NUP98: variants seen among roughly 807,000 people sequenced by gnomAD.
The protein encoded by NUP98 is nucleoporin 98 and 96 precursor.
A neutral mutation model predicts 191.9 loss-of-function variants in NUP98; 26 were observed. That is an observed-to-expected ratio of 0.14 (90% CI 0.10 to 0.19). The LOEUF (loss-of-function observed/expected upper bound fraction) is 0.19, where lower values mean the gene tolerates loss of function less well. NUP98 is among the 10% of genes least tolerant of loss of function. NUP98 has a pLI of 1.00. For missense variants in NUP98, 1,941 were observed against 2,178.8 expected (o/e 0.89, Z 2.17); for synonymous variants, 808 against 778.4 (o/e 1.04, Z -0.63).
At chr11:3,689,370 C>T (rs1441476313) in intron 28 of NUP98, among the ~76,000 whole-genome samples, 1 of 151,690 alleles carries the variant, frequency 6.6e-6, no homozygotes. Context: ...ACTAAAAATA[C>T]AAAAAAATTA....
chr11:3,706,668 T>C (rs1024676060), intron 20 of NUP98, 41 bp from the exon 21 acceptor site: 2 of 1,535,480 alleles, frequency 1.3e-6, no homozygotes, highest in African/African-American at 1.4e-5. Context: ...CATTAAATTA[T>C]ACCAAACAGA....
At chr11:3,692,637 G>A (rs2078354762) in intron 27 of NUP98, among the ~76,000 whole-genome samples, 2 of 151,794 alleles carry the variant, frequency 1.3e-5, no homozygotes, top group Admixed American at 1.3e-4. Flanking sequence ...GATCTATCAG[G>A]GATTTTAAAC....
At chr11:3,750,778 A>C (rs190300973) in intron 11 of NUP98, among the ~76,000 whole-genome samples, 44 of 152,246 alleles carry the variant, frequency 2.9e-4, no homozygotes, top group African/African-American at 1.0e-3. Context: ...AGCTAGGACT[A>C]CAGGCACATG....
intron 26 of NUP98, among the ~76,000 whole-genome samples, chr11:3,694,759 A>T (rs1349504826): frequency 6.6e-6 from 1 of 151,854 alleles, no homozygotes; most frequent in Admixed American, 6.6e-5. Flanking sequence ...AAAAAAAAAA[A>T]TGCTGCAGGG....
intron 1 of NUP98, among the ~76,000 whole-genome samples, chr11:3,793,399 C>G (rs2082420095): frequency 6.6e-6 from 1 of 151,908 alleles, no homozygotes; most frequent in Non-Finnish European, 1.5e-5. Context: ...AAGCGATTCT[C>G]TGCCTCAGCC....
chr11:3,733,566 C>G (rs276906), intron 13 of NUP98, among the ~76,000 whole-genome samples: 242 of 152,180 alleles, frequency 1.6e-3, no homozygotes, highest in African/African-American at 5.0e-3. Flanking sequence ...CCCACCTCGG[C>G]CTCCCAAAGT....
intron 10 of NUP98, among the ~76,000 whole-genome samples, chr11:3,755,650 G>A (rs977460448): frequency 2.4e-4 from 37 of 152,002 alleles, no homozygotes; most frequent in African/African-American, 7.7e-4. Flanking sequence ...AAAAACAATC[G>A]TATTTCATGT....
intron 14 of NUP98, among the ~76,000 whole-genome samples, chr11:3,727,235 A>T (rs952642699): frequency 3.3e-5 from 5 of 152,156 alleles, no homozygotes; most frequent in African/African-American, 7.2e-5. Flanking sequence ...CGTACTTGAG[A>T]GGCTGAGCAG....
At chr11:3,791,951 G>A (rs547086033) in intron 1 of NUP98, among the ~76,000 whole-genome samples, 16 of 151,464 alleles carry the variant, frequency 1.1e-4, no homozygotes, top group African/African-American at 3.9e-4. Context: ...AGGCGGAGGT[G>A]AGCGGATCAC....
intron 1 of NUP98, among the ~76,000 whole-genome samples, chr11:3,790,741 T>G (rs1174999919): frequency 6.6e-6 from 1 of 152,216 alleles, no homozygotes; most frequent in Non-Finnish European, 1.5e-5. Context: ...TTAGTTGTAT[T>G]ATTTCTCAAC....
chr11:3,793,393 G>C (rs1217650372), intron 1 of NUP98, among the ~76,000 whole-genome samples: 2 of 151,728 alleles, frequency 1.3e-5, no homozygotes, highest in African/African-American at 4.8e-5. Context: ...GGGTTCAAGC[G>C]ATTCTCTGCC....
At chr11:3,764,026 C>T (rs1359363770) in intron 8 of NUP98, among the ~76,000 whole-genome samples, 1 of 152,324 alleles carries the variant, frequency 6.6e-6, no homozygotes, top group Middle Eastern at 3.4e-3. Context: ...AAAATTCACT[C>T]ATTTACAGTG....
chr11:3,745,141 A>C (rs1024058615), intron 11 of NUP98, among the ~76,000 whole-genome samples: 1 of 152,320 alleles, frequency 6.6e-6, no homozygotes, highest in Middle Eastern at 3.4e-3. Context: ...CCTATAATAA[A>C]ACAGGTTTCC....
At chr11:3,682,523 G>A (rs920584482) in intron 30 of NUP98, among the ~76,000 whole-genome samples, 1 of 152,198 alleles carries the variant, frequency 6.6e-6, no homozygotes, top group Admixed American at 6.5e-5. Flanking sequence ...CCCAAAGAGA[G>A]GGAAAGAGAT....
At chr11:3,763,838 CA>C (rs1322187831) in intron 8 of NUP98, among the ~76,000 whole-genome samples, 1 of 152,178 alleles carries the variant, frequency 6.6e-6, no homozygotes, top group African/African-American at 2.4e-5. Flanking sequence ...TGCACCCAGC[CA>C]AAAGCCTTAA....
chr11:3,692,165 A>T lies in NUP98; in HGVS notation c.4312-676T>A, dbSNP rs147270938. Among the ~76,000 whole-genome samples, 511 of 152,024 alleles carry T rather than the reference A, an allele frequency of 3.4e-3. 4 individuals are homozygous for T. Among genetic ancestry groups the T allele is most frequent in the African/African-American group, 0.012 (482 of 41,482 alleles). On this transcript the variant is annotated intron_variant, in intron 27 of 32. Transcript: ENST00000324932. Reference sequence around the variant, plus strand: ...CTGACATAAAAAGATAAGAAAAAAAAATTTTTTTTTTAAATTAGCCAGGCA... The same window carrying T: ...CTGACATAAAAAGATAAGAAAAAAATATTTTTTTTTTAAATTAGCCAGGCA...
chr11:3,767,313 C>T (rs905383928), intron 8 of NUP98, among the ~76,000 whole-genome samples: 8 of 151,420 alleles, frequency 5.3e-5, no homozygotes, highest in Admixed American at 4.0e-4. Context: ...GAAGACATGG[C>T]GGTACAAGCA....
At chr11:3,773,233 C>T (rs2081590835) in intron 6 of NUP98, among the ~76,000 whole-genome samples, 1 of 152,006 alleles carries the variant, frequency 6.6e-6, no homozygotes, top group African/African-American at 2.4e-5. Flanking sequence ...GAGACCTCAC[C>T]TCTACAAAAA....
chr11:3,698,642 G>A (rs528879966), intron 25 of NUP98, among the ~76,000 whole-genome samples: 20 of 145,384 alleles, frequency 1.4e-4, no homozygotes, highest in African/African-American at 3.4e-4. Flanking sequence ...CAAGAGAATC[G>A]CTTGAACCCA....
Sources: gnomAD v4.1 joint callset for allele counts (sites outside exome capture counted in the v4.1 genomes callset) on GRCh38, gnomAD v4.1.1 for gene constraint, MANE v1.5 for transcripts, NCBI Gene and HGNC (gene_info 2026-07-23, HGNC 2026-07-21) for gene names.